SCAPER: variants seen among roughly 807,000 people sequenced by gnomAD.
SCAPER encodes the protein S phase cyclin A-associated protein in the endoplasmic reticulum.
In SCAPER, 98 loss-of-function variants were observed where a neutral mutation model predicts 182.2. The ratio of observed to expected loss-of-function variants is 0.54; its 90% CI spans 0.46 to 0.64. SCAPER has a LOEUF of 0.64. Ranked by LOEUF, SCAPER falls within the 30% of genes least tolerant of loss-of-function variation. SCAPER has a pLI of 0.00. For synonymous variants in SCAPER, 605 were observed against 564.6 expected, an observed-to-expected ratio of 1.07 and a Z score of -1.01; for missense variants, 1,432 against 1,690.0, an observed-to-expected ratio of 0.85 and a Z score of 2.68.
chr15:76,695,869 A>C (rs1201246027), intron 20 of SCAPER, among the ~76,000 whole-genome samples: 1 of 152,176 alleles, frequency 6.6e-6, no homozygotes, highest in African/African-American at 2.4e-5. Context: ...CATACTATTA[A>C]GGAGAAAATC....
At chr15:76,571,270 C>G (rs1380223009) in intron 23 of SCAPER, among the ~76,000 whole-genome samples, 1 of 152,080 alleles carries the variant, frequency 6.6e-6, no homozygotes, top group African/African-American at 2.4e-5. Flanking sequence ...TGCTTTCTTC[C>G]CCACCTAGCA....
At chr15:76,888,027 A>C (rs1321517557) in intron 1 of SCAPER, among the ~76,000 whole-genome samples, 1 of 152,226 alleles carries the variant, frequency 6.6e-6, no homozygotes, top group Non-Finnish European at 1.5e-5. Context: ...GGTGATACCC[A>C]GGCAAACAGT....
At chr15:76,718,697 A>G (rs1413871594) in intron 17 of SCAPER, among the ~76,000 whole-genome samples, 1 of 151,910 alleles carries the variant, frequency 6.6e-6, no homozygotes, top group East Asian at 1.9e-4. Context: ...ATTTAAAAAA[A>G]CCTCATACAA....
intron 22 of SCAPER, among the ~76,000 whole-genome samples, chr15:76,587,880 C>A (rs1157099957): frequency 6.6e-6 from 1 of 151,864 alleles, no homozygotes; most frequent in African/African-American, 2.4e-5. Context: ...GTACTGAAGT[C>A]CCCCACTATT....
In SCAPER at chr15:76,760,274, C is replaced by G. The variant is rs113514120; in HGVS notation, c.1725+4687G>C. Among the ~76,000 whole-genome samples the G allele has an allele frequency of 7.9e-3, 1,208 of 152,312 alleles. 11 individuals are homozygous for G. Among genetic ancestry groups the G allele is most frequent in the African/African-American group, 0.028 (1,147 of 41,560 alleles). On this transcript the variant is annotated intron_variant, in intron 14 of 31. Coordinates refer to ENST00000563290, the MANE Select transcript of SCAPER (RefSeq NM_020843.4). ...AGCTATAAAATTGGGGTTCTCACAA[C>G]TGTCTCCTCAAGTTTGATTAATTTG...
chr15:76,435,420 T>A (rs1042595510), intron 25 of SCAPER, among the ~76,000 whole-genome samples: 2 of 152,224 alleles, frequency 1.3e-5, no homozygotes, highest in Admixed American at 1.3e-4. Flanking sequence ...ATCTTTTTTG[T>A]CAAAATGAAA....
chr15:76,456,981 A>G (rs1348567462), intron 25 of SCAPER, among the ~76,000 whole-genome samples: 1 of 151,756 alleles, frequency 6.6e-6, no homozygotes, highest in Non-Finnish European at 1.5e-5. Flanking sequence ...TATATTTTAA[A>G]TGCATCTCAT....
At chr15:76,738,459 A>C (rs1308966137) in intron 15 of SCAPER, among the ~76,000 whole-genome samples, 4 of 150,908 alleles carry the variant, frequency 2.7e-5, no homozygotes, top group African/African-American at 9.8e-5. Flanking sequence ...CCACTCGTGA[A>C]CCCGGGAGGC....
At chr15:76,752,345 A>G (rs2062140583) in intron 15 of SCAPER, among the ~76,000 whole-genome samples, 1 of 151,882 alleles carries the variant, frequency 6.6e-6, no homozygotes, top group South Asian at 2.1e-4. Flanking sequence ...AATTAAAAAT[A>G]GAATTACTGT....
chr15:76,532,889 G>C (rs1444015405), intron 23 of SCAPER, among the ~76,000 whole-genome samples: 8 of 152,148 alleles, frequency 5.3e-5, no homozygotes, highest in African/African-American at 1.4e-4. Context: ...GAATGCTAGG[G>C]TTCTACAGCA....
At chr15:76,630,438 C>T (rs1306181787) in intron 21 of SCAPER, among the ~76,000 whole-genome samples, 3 of 152,000 alleles carry the variant, frequency 2.0e-5, no homozygotes, top group Non-Finnish European at 2.9e-5. Flanking sequence ...GGGTATTTAG[C>T]GCTATAAATT....
intron 25 of SCAPER, among the ~76,000 whole-genome samples, chr15:76,460,754 A>G (rs889673653): frequency 1.3e-5 from 2 of 152,158 alleles, no homozygotes; most frequent in African/African-American, 4.8e-5. Flanking sequence ...TGTAACTTCA[A>G]GTTTAATGAC....
At chr15:76,376,574 C>T (rs1456336466) in intron 28 of SCAPER, among the ~76,000 whole-genome samples, 1 of 152,194 alleles carries the variant, frequency 6.6e-6, no homozygotes, top group Non-Finnish European at 1.5e-5. Context: ...ACCTAAAGCA[C>T]AGTTATTTAT....
chr15:76,719,376 C>T (rs2060070542), intron 17 of SCAPER, among the ~76,000 whole-genome samples: 1 of 151,986 alleles, frequency 6.6e-6, no homozygotes, highest in African/African-American at 2.4e-5. Context: ...TATTAGTTAT[C>T]ACGGGTGTGC....
chr15:76,718,904 T>C (rs1168468397), intron 17 of SCAPER, among the ~76,000 whole-genome samples: 1 of 152,044 alleles, frequency 6.6e-6, no homozygotes, highest in Admixed American at 6.6e-5. Flanking sequence ...AAAAAACAAA[T>C]GTTGGTGAGG....
At chr15:76,875,807 T>C (rs1048465811) in intron 2 of SCAPER, among the ~76,000 whole-genome samples, 2 of 152,114 alleles carry the variant, frequency 1.3e-5, no homozygotes, top group African/African-American at 2.4e-5. Context: ...ATGTCACAGC[T>C]CATAAAGGCA....
chr15:76,710,840 T>C (rs771269842), intron 17 of SCAPER, among the ~76,000 whole-genome samples: 38 of 152,192 alleles, frequency 2.5e-4, no homozygotes, highest in Middle Eastern at 3.4e-3. Context: ...AAATATGCTA[T>C]AAAACTACAG....
At chr15:76,584,460 T>A (rs1362924061) in intron 22 of SCAPER, among the ~76,000 whole-genome samples, 1 of 150,286 alleles carries the variant, frequency 6.7e-6, no homozygotes, top group Admixed American at 6.6e-5. Context: ...GTGGTGGACA[T>A]CCCATTTACC....
intron 4 of SCAPER, 67 bp from the exon 5 acceptor site, chr15:76,841,998 A>G: frequency 7.2e-7 from 1 of 1,396,950 alleles, no homozygotes. Context: ...GATTTTTTAT[A>G]AAGATTCAAT....
Sources: gnomAD v4.1 joint callset for allele counts (sites outside exome capture counted in the v4.1 genomes callset) on GRCh38, gnomAD v4.1.1 for gene constraint, MANE v1.5 for transcripts, NCBI Gene and HGNC (gene_info 2026-07-23, HGNC 2026-07-21) for gene names.